Variants in CCDC148 observed in about 807,000 individuals in gnomAD.
CCDC148 encodes coiled-coil domain-containing protein 148.
In CCDC148, 89 loss-of-function variants were observed where a neutral mutation model predicts 85.7. The ratio of observed to expected loss-of-function variants is 1.04; its 90% CI spans 0.87 to 1.24. The LOEUF (loss-of-function observed/expected upper bound fraction) is 1.24. Among genes scored for constraint, CCDC148 ranks in the 50% most tolerant of loss-of-function variants. The pLI, the probability that CCDC148 is intolerant of heterozygous loss-of-function variation, is 0.00. For missense variants in CCDC148, 692 were observed against 671.7 expected, an observed-to-expected ratio of 1.03 and a Z score of -0.33; for synonymous variants, 230 against 213.9, an observed-to-expected ratio of 1.08 and a Z score of -0.66.
At chr2:158,431,184 G>A (rs748415742) in intron 1 of CCDC148, among the ~76,000 whole-genome samples, 1 of 151,532 alleles carries the variant, frequency 6.6e-6, no homozygotes, top group Non-Finnish European at 1.5e-5. Flanking sequence ...AAGTCAAAAT[G>A]TTTTCAAATC....
intron 7 of CCDC148, among the ~76,000 whole-genome samples, chr2:158,322,639 A>C (rs1692573514): frequency 1.3e-5 from 2 of 152,086 alleles, no homozygotes; most frequent in African/African-American, 4.8e-5. Context: ...CACAAAAGGA[A>C]AAGCTCATAG....
At position 158,410,763 on chromosome 2, in the gene CCDC148, A is replaced by T. The variant is rs1032467193; in HGVS notation, c.25+45652T>A. On this transcript the variant is annotated intron_variant, in intron 1 of 13. Coordinates refer to ENST00000283233, the MANE Select transcript of CCDC148 (RefSeq NM_138803.4). ...TTACACACTACCATTATGGTATTAA[A>T]TTATTTGTTGTCTATATATTTATCT... Among the ~76,000 whole-genome samples, 4 of 152,200 alleles carry T rather than the reference A, an allele frequency of 2.6e-5. No individual in the cohort carries two copies. The East Asian group carries it at 7.7e-4, about 29-fold the overall frequency.
chr2:158,202,555 G>A (rs2105283827), intron 11 of CCDC148, among the ~76,000 whole-genome samples: 1 of 152,248 alleles, frequency 6.6e-6, no homozygotes, highest in Admixed American at 6.5e-5. Context: ...ACATTTTGTG[G>A]AAACGGTGCC....
intron 1 of CCDC148, among the ~76,000 whole-genome samples, chr2:158,416,611 A>C (rs1358460178): frequency 6.6e-6 from 1 of 152,194 alleles, no homozygotes; most frequent in Non-Finnish European, 1.5e-5. Context: ...TCTCCACCTG[A>C]GACCACATCA....
chr2:158,328,925 G>T (rs1692940109), intron 7 of CCDC148, among the ~76,000 whole-genome samples: 2 of 151,902 alleles, frequency 1.3e-5, no homozygotes, highest in Admixed American at 1.3e-4. Flanking sequence ...CCCTTTGTCA[G>T]ATGAGTAGAA....
intron 7 of CCDC148, among the ~76,000 whole-genome samples, chr2:158,318,038 T>C (rs1692358937): frequency 6.6e-6 from 1 of 152,198 alleles, no homozygotes; most frequent in Non-Finnish European, 1.5e-5. Context: ...TCTGACCCTC[T>C]GTAATATACA....
intron 7 of CCDC148, among the ~76,000 whole-genome samples, chr2:158,333,169 T>C (rs572337967): frequency 3.2e-4 from 49 of 152,314 alleles, no homozygotes; most frequent in Non-Finnish European, 5.3e-4. Flanking sequence ...GTGCTATAAA[T>C]TTCCCTCTAC....
chr2:158,424,150 T>A (rs1195058223), intron 1 of CCDC148, among the ~76,000 whole-genome samples: 4 of 152,302 alleles, frequency 2.6e-5, no homozygotes, highest in East Asian at 3.9e-4. Flanking sequence ...ATTGTGGAAG[T>A]CAGTGTGTCA....
chr2:158,204,546 A>C (rs1001434614), intron 11 of CCDC148, among the ~76,000 whole-genome samples: 1 of 152,102 alleles, frequency 6.6e-6, no homozygotes, highest in African/African-American at 2.4e-5. Flanking sequence ...TCATGGAGAG[A>C]CCATGCAAAG....
chr2:158,195,361 T>C (rs1574377421), intron 11 of CCDC148, among the ~76,000 whole-genome samples: 1 of 147,448 alleles, frequency 6.8e-6, no homozygotes, highest in East Asian at 1.9e-4. Flanking sequence ...TTTAAGTTTA[T>C]GGTCCAAATT....
intron 10 of CCDC148, 21 bp from the exon 11 acceptor site, chr2:158,220,734 A>G (rs1439819702): frequency 6.6e-7 from 1 of 1,518,040 alleles, no homozygotes; most frequent in Non-Finnish European, 8.9e-7. Context: ...AATGTTACAT[A>G]AAATTTAAAT....
Position 158,367,400 on chromosome 2 carries a change from T to C in CCDC148, c.26-8830A>G, listed in dbSNP as rs559827491. On this transcript the variant is annotated intron_variant, in intron 1 of 13. Transcript: ENST00000283233. ...GAGACCTCTCCTGTCCTCTTATTGGTTAGTTGTGTAGTTTTCTTTCATTGG... is the reference window on the plus strand; with the variant it reads ...GAGACCTCTCCTGTCCTCTTATTGGCTAGTTGTGTAGTTTTCTTTCATTGG... Among the ~76,000 whole-genome samples the C allele has an allele frequency of 4.3e-4, 66 of 152,220 alleles. 1 individual carries two copies. Among genetic ancestry groups the C allele is most frequent in the African/African-American group, 1.5e-3 (62 of 41,556 alleles).
chr2:158,433,483 T>C (rs1687475470), intron 1 of CCDC148, among the ~76,000 whole-genome samples: 1 of 152,000 alleles, frequency 6.6e-6, no homozygotes, highest in African/African-American at 2.4e-5. Flanking sequence ...AACCTAATTT[T>C]AGAAAGGGTA....
At chr2:158,390,521 C>T (rs117422995) in intron 1 of CCDC148, among the ~76,000 whole-genome samples, 3 of 152,268 alleles carry the variant, frequency 2.0e-5, no homozygotes, top group East Asian at 1.9e-4. Flanking sequence ...AATAGCCAAA[C>T]TCTTATAAAC....
intron 10 of CCDC148, among the ~76,000 whole-genome samples, chr2:158,235,433 T>C (rs568714140): frequency 6.6e-6 from 1 of 152,320 alleles, no homozygotes; most frequent in African/African-American, 2.4e-5. Context: ...ACAGGTCTTA[T>C]AAAGGCTGGT....
intron 8 of CCDC148, among the ~76,000 whole-genome samples, chr2:158,311,730 A>C (rs1423489631): frequency 6.6e-6 from 1 of 152,182 alleles, no homozygotes; most frequent in African/African-American, 2.4e-5. Context: ...CAATCCTGAA[A>C]ATTCACAATT....
intron 1 of CCDC148, among the ~76,000 whole-genome samples, chr2:158,449,615 A>T (rs145673326): frequency 0.017 from 2,520 of 152,102 alleles, 46 homozygotes; most frequent in Middle Eastern, 0.058. Context: ...TGCCAAGCTA[A>T]TTTTTGTATT....
At chr2:158,287,000 G>T (rs934797713) in intron 9 of CCDC148, among the ~76,000 whole-genome samples, 1 of 152,148 alleles carries the variant, frequency 6.6e-6, no homozygotes, top group Admixed American at 6.5e-5. Flanking sequence ...ACATGGCTGG[G>T]GAGGCCTTAG....
In CCDC148 at chr2:158,382,732, AATCC is replaced by A. The variant is rs1249804965; in HGVS notation, c.26-24166_26-24163del. ...AAGACCAGCCTGGCCAACATGGTAA[AATCC>A]ACCCTGTCTCTACTAAAAATACAAA... On this transcript the variant is annotated intron_variant, in intron 1 of 13. Transcript: ENST00000283233. Among the ~76,000 whole-genome samples, 8 of 147,134 alleles carry A rather than the reference AATCC, an allele frequency of 5.4e-5. No individual in the cohort carries two copies. The East Asian group carries it at 6.2e-4, about 11-fold the overall frequency.
Sources: allele counts gnomAD v4.1 joint callset (sites outside exome capture counted in the v4.1 genomes callset), GRCh38; gene constraint gnomAD v4.1.1; transcripts MANE v1.5; gene names NCBI Gene and HGNC (gene_info 2026-07-23, HGNC 2026-07-21).